The following ZNF136 variants were observed in gnomAD, a reference collection of about 807,000 sequenced individuals.
ZNF136 encodes zinc finger protein 136 (clone pHZ-20).
ZNF136 carries 8 observed loss-of-function variants against 11.4 expected under a neutral mutation model. That is an observed-to-expected ratio of 0.70 (90% confidence interval 0.41 to 1.27). The LOEUF (loss-of-function observed/expected upper bound fraction) is 1.27. Among genes scored for constraint, ZNF136 ranks in the 50% most tolerant of loss-of-function variants. The pLI, the probability that ZNF136 is intolerant of heterozygous loss-of-function variation, is 0.01. For synonymous variants in ZNF136, 190 were observed against 207.1 expected (o/e 0.92, Z 0.71); for missense variants, 590 against 656.5 (o/e 0.90, Z 1.11).
rs769492839 is a variant in ZNF136 at position 12,186,135 on chromosome 19, A to C, written c.152A>C (p.Asn51Thr). The C allele has an allele frequency of 6.2e-7, 1 of 1,611,184 alleles. No individual in the cohort carries two copies. ...ASIGKKWKDQ[N>T]IKDHYKHRGR... ...TTAGGGAAAAAATGGAAGGACCAGA[A>C]CATTAAAGATCACTACAAACACCGA... Residue 51 changes from asparagine to threonine, a missense_variant, in exon 3 of 4, where the codon AAC (asparagine) becomes ACC (threonine). Coordinates refer to ENST00000343979, the MANE Select transcript of ZNF136 (RefSeq NM_003437.5).
chr19:12,185,622 T>C, intron 1 of ZNF136, 163 bp from the exon 2 acceptor site: 1 of 824,832 alleles, frequency 1.2e-6, no homozygotes, highest in South Asian at 2.2e-5. Flanking sequence ...AGTTCCATTC[T>C]AGTATGAGAG....
At chr19:12,178,786 C>T (rs1599456877) in intron 1 of ZNF136, among the ~76,000 whole-genome samples, 1 of 151,940 alleles carries the variant, frequency 6.6e-6, no homozygotes, top group Admixed American at 6.6e-5. Flanking sequence ...GTCAGGAGAT[C>T]GAGACCATCC....
intron 1 of ZNF136, among the ~76,000 whole-genome samples, chr19:12,164,080 A>T (rs1011984718): frequency 2.6e-5 from 4 of 152,106 alleles, no homozygotes; most frequent in Admixed American, 2.0e-4. Context: ...GTCTTGGGTG[A>T]GTCTTCCTAG....
intron 1 of ZNF136, among the ~76,000 whole-genome samples, chr19:12,181,618 A>G (rs1599458248): frequency 2.0e-5 from 3 of 151,430 alleles, no homozygotes; most frequent in Admixed American, 6.6e-5. Flanking sequence ...GATTACAGGC[A>G]CCTGCCACCA....
In ZNF136 at chr19:12,170,983, G is replaced by A. The variant is rs544500597; in HGVS notation, c.3+7777G>A. ...CCAGAGTAGCTGGGATTATAGGCAT[G>A]CACCACCACGCCCGGCTAATTTTGT... On this transcript the variant is annotated intron_variant, in intron 1 of 3. Transcript: ENST00000343979. Among the ~76,000 whole-genome samples the A allele has an allele frequency of 3.9e-5, 6 of 152,100 alleles. No homozygotes were observed. In the South Asian group the frequency reaches 1.0e-3, roughly 26 times the overall value.
rs1022035409 is a variant in ZNF136, at chr19:12,185,985, T to G, written c.130+74T>G. The G allele has an allele frequency of 1.0e-5, 16 of 1,605,764 alleles. No individual in the cohort carries two copies. The East Asian group carries it at 3.6e-4, about 36-fold the overall frequency. ...CTTGTGCAGTGATGCTGTTCCATGG[T>G]TTGCATCATGGAGGGAGAGTACTTG... On this transcript the variant is annotated intron_variant, in intron 2 of 3. Coordinates refer to ENST00000343979, the MANE Select transcript of ZNF136 (RefSeq NM_003437.5).
At chr19:12,180,212 T>A (rs576070890) in intron 1 of ZNF136, among the ~76,000 whole-genome samples, 41 of 152,306 alleles carry the variant, frequency 2.7e-4, no homozygotes, top group Admixed American at 2.1e-3. Flanking sequence ...CAAATTAGGC[T>A]AATGCCTCTA....
At chr19:12,172,650 AGG>A (rs1221038996) in intron 1 of ZNF136, among the ~76,000 whole-genome samples, 2 of 152,164 alleles carry the variant, frequency 1.3e-5, no homozygotes, top group African/African-American at 4.8e-5. Context: ...TGTGTCAGTT[AGG>A]CAATTAGGTG....
chr19:12,164,109 G>T (rs1977151100), intron 1 of ZNF136, among the ~76,000 whole-genome samples: 1 of 152,106 alleles, frequency 6.6e-6, no homozygotes, highest in Non-Finnish European at 1.5e-5. Context: ...TGAAATAGAA[G>T]GCTGGGAGAA....
intron 1 of ZNF136, among the ~76,000 whole-genome samples, chr19:12,179,005 A>G (rs1257528135): frequency 6.6e-6 from 1 of 150,602 alleles, no homozygotes; most frequent in African/African-American, 2.5e-5. Flanking sequence ...GAAAAAAAAG[A>G]AAGAAAGAAA....
At chr19:12,175,760 C>CA (rs1437663081) in intron 1 of ZNF136, among the ~76,000 whole-genome samples, 2 of 152,154 alleles carry the variant, frequency 1.3e-5, no homozygotes, top group Non-Finnish European at 2.9e-5. Context: ...TGGTGTAATA[C>CA]AGAGTAGTTT....
chr19:12,186,468 C>A, intron 3 of ZNF136, 102 bp from the exon 4 acceptor site: 2 of 1,036,168 alleles, frequency 1.9e-6, no homozygotes, highest in Non-Finnish European at 2.7e-6. Context: ...GACTTGGCAT[C>A]GAGTCTACGC....
At chr19:12,167,017 G>A (rs1220933403) in intron 1 of ZNF136, among the ~76,000 whole-genome samples, 1 of 152,168 alleles carries the variant, frequency 6.6e-6, no homozygotes, top group African/African-American at 2.4e-5. Flanking sequence ...TCATAGGAAG[G>A]GGCAAACAGA....
chr19:12,186,764 C>T lies in ZNF136; in HGVS notation c.386C>T (p.Pro129Leu). The change falls in exon 4 of 4, where the codon CCA (proline) becomes CTA (leucine). Residue 129 changes from proline (P) to leucine (L), a missense_variant. By Grantham distance (98) the Pro-to-Leu change is moderately conservative. Coordinates refer to ENST00000343979, the MANE Select transcript of ZNF136 (RefSeq NM_003437.5). ...ATCAAAGATCACAGTGGACATGAAC[C>T]AAAGGAATATCAGGAATATGGAGAG... ...RHIKDHSGHE[P>L]KEYQEYGEKP... 6.2e-7 allele frequency: 1 copy of T among 1,614,060 alleles called. No individual in the cohort carries two copies. The highest frequency in any genetic ancestry group is 1.1e-5 in the South Asian group (1 of 91,070).
rs1568404931 is a variant in ZNF136 at position 12,187,251 on chromosome 19, T to C, written c.873T>C (p.Cys291=). The C allele has an allele frequency of 6.2e-7, 1 of 1,613,988 alleles. No homozygotes were observed. Among genetic ancestry groups the C allele is most frequent in the Non-Finnish European group, 8.5e-7 (1 of 1,179,966 alleles). Reference sequence around the variant, plus strand: ...AGCAATGTGGTAAAGCCTTCAGTTGTTCCCCAACCTTACGAATACATGAAA... The same window carrying C: ...AGCAATGTGGTAAAGCCTTCAGTTGCTCCCCAACCTTACGAATACATGAAA... ...KCKQCGKAFS[C]SPTLRIHERT... is the part of the protein sequence containing the mutation. The change falls in exon 4 of 4, where the codon TGT becomes TGC. Residue 291 remains cysteine (C), a synonymous_variant. Transcript: ENST00000343979.
intron 1 of ZNF136, among the ~76,000 whole-genome samples, chr19:12,177,052 A>C (rs1250260388): frequency 6.6e-6 from 1 of 152,220 alleles, no homozygotes; most frequent in African/African-American, 2.4e-5. Flanking sequence ...CATGTTAAAT[A>C]GCTGTGTCAA....
At position 12,186,625 on chromosome 19, in the gene ZNF136, AT is replaced by A. The variant is rs1438062248; in HGVS notation, c.252del (p.Phe84LeufsTer9). The A allele has an allele frequency of 6.2e-7, 1 of 1,614,022 alleles. No individual in the cohort carries two copies. Among genetic ancestry groups the A allele is most frequent in the Non-Finnish European group, 8.5e-7 (1 of 1,179,998 alleles). On this transcript the variant is annotated frameshift_variant, in exon 4 of 4. Coordinates refer to ENST00000343979, the MANE Select transcript of ZNF136 (RefSeq NM_003437.5). LOFTEE classifies it low-confidence loss of function (END_TRUNC). ...QTKDGSQRGG[I>X]FSQFANQNLS... ...TAAGGATGGTAGTCAGCGTGGAGGA[AT>A]TTTTAGCCAGTTTGCAAATCAGAAT...
At chr19:12,178,087 T>G (rs1914845194) in intron 1 of ZNF136, among the ~76,000 whole-genome samples, 1 of 152,196 alleles carries the variant, frequency 6.6e-6, no homozygotes, top group Non-Finnish European at 1.5e-5. Flanking sequence ...AATGTGGGTG[T>G]CAGAGTGAGA....
chr19:12,163,358 C>A, intron 1 of ZNF136, 152 bp downstream of exon 1: 1 of 1,074,936 alleles, frequency 9.3e-7, no homozygotes, highest in Non-Finnish European at 1.2e-6. Flanking sequence ...GTACCCTCGG[C>A]CTCAGGGTGG....
Sources: allele counts gnomAD v4.1 joint callset (sites outside exome capture counted in the v4.1 genomes callset), GRCh38; gene constraint gnomAD v4.1.1; transcripts MANE v1.5; gene names NCBI Gene and HGNC (gene_info 2026-07-23, HGNC 2026-07-21).